RORB: variants seen among roughly 807,000 people sequenced by gnomAD.
RORB encodes RAR related orphan receptor B.
RORB carries 6 observed loss-of-function variants against 59.1 expected under a neutral mutation model. The observed-to-expected ratio is 0.10, with a 90% CI of 0.06 to 0.20. RORB has a LOEUF of 0.20. RORB is among the 10% of genes least tolerant of loss of function. RORB has a pLI of 1.00. For synonymous variants in RORB, 215 were observed against 204.5 expected (o/e 1.05, Z -0.44); for missense variants, 320 against 560.5 (o/e 0.57, Z 4.33).
intron 1 of RORB, among the ~76,000 whole-genome samples, chr9:74,525,476 G>A (rs995567892): frequency 6.6e-5 from 10 of 151,852 alleles, no homozygotes; most frequent in African/African-American, 2.2e-4. Context: ...GGAAGCTAGA[G>A]GTTTATCTTT....
intron 4 of RORB, among the ~76,000 whole-genome samples, chr9:74,657,510 T>C (rs1210327602): frequency 6.6e-6 from 1 of 152,156 alleles, no homozygotes; most frequent in East Asian, 1.9e-4. Context: ...CATAACATCA[T>C]TCCCTCTACC....
At chr9:74,498,413 C>T (rs1009748630) in intron 1 of RORB, 1 of 176,646 alleles carries the variant, frequency 5.7e-6, no homozygotes, top group Admixed American at 5.9e-5. Context: ...CGGCCGGGGG[C>T]AGGGTGGACA....
At chr9:74,550,285 T>C (rs2118161747) in intron 1 of RORB, among the ~76,000 whole-genome samples, 1 of 152,318 alleles carries the variant, frequency 6.6e-6, no homozygotes, top group East Asian at 1.9e-4. Flanking sequence ...CCAATCTAGA[T>C]GACATTAGAG....
intron 6 of RORB, among the ~76,000 whole-genome samples, chr9:74,664,318 C>T (rs1264317298): frequency 6.6e-6 from 1 of 152,194 alleles, no homozygotes; most frequent in Non-Finnish European, 1.5e-5. Context: ...CTAACTAAGA[C>T]TCAGATATAA....
intron 1 of RORB, among the ~76,000 whole-genome samples, chr9:74,527,215 T>C (rs1826167593): frequency 1.3e-5 from 2 of 151,978 alleles, no homozygotes; most frequent in Admixed American, 1.3e-4. Flanking sequence ...TCAAGCATTT[T>C]TTAGATAGGA....
intron 1 of RORB, among the ~76,000 whole-genome samples, chr9:74,576,871 A>T (rs1822643887): frequency 6.6e-6 from 1 of 152,178 alleles, no homozygotes; most frequent in Admixed American, 6.5e-5. Context: ...GTCAATACTC[A>T]TAATGAACCC....
chr9:74,534,213 G>A lies in RORB; in HGVS notation c.7+36230G>A, dbSNP rs141073236. ...TAGCACTCCCTTAAGGAGCTAAGAG[G>A]GTTCTGAGAAAGAAGTTTCTCTCAG... On this transcript the variant is annotated intron_variant, in intron 1 of 9. Coordinates refer to ENST00000376896, the MANE Select transcript of RORB (RefSeq NM_006914.4). Among the ~76,000 whole-genome samples, 419 of 152,076 alleles carry A rather than the reference G, an allele frequency of 2.8e-3. 3 individuals carry two copies. The highest frequency in any genetic ancestry group is 5.4e-3 in the East Asian group (28 of 5,150).
chr9:74,631,636 G>T (rs931119650), intron 2 of RORB, among the ~76,000 whole-genome samples: 5 of 152,146 alleles, frequency 3.3e-5, no homozygotes, highest in African/African-American at 1.2e-4. Context: ...AAATAAGTAA[G>T]AATAAAGTGG....
chr9:74,624,331 T>C (rs908358877), intron 1 of RORB, among the ~76,000 whole-genome samples: 13 of 152,146 alleles, frequency 8.5e-5, no homozygotes, highest in African/African-American at 3.1e-4. Context: ...TAGTAGAAAT[T>C]AGAGTGCACT....
Position 74,634,690 on chromosome 9 carries a change from C to G in RORB, c.153C>G (p.Asn51Lys). The G allele has an allele frequency of 6.2e-7, 1 of 1,613,636 alleles. No homozygotes were observed. The highest frequency in any genetic ancestry group is 8.5e-7 in the Non-Finnish European group (1 of 1,179,698). Reference sequence around the variant, plus strand: ...CTTATTCCTGCCCAAGGCAGAGAAACTGTTTAATTGACAGAACGAACAGAA... The same window carrying G: ...CTTATTCCTGCCCAAGGCAGAGAAAGTGTTTAATTGACAGAACGAACAGAA... The part of the protein sequence containing the change: ...NASYSCPRQR[N>K]CLIDRTNRNR... The change falls in exon 3 of 10, where the codon AAC becomes AAG. Residue 51 changes from asparagine to lysine, a missense_variant. Coordinates refer to ENST00000376896, the MANE Select transcript of RORB (RefSeq NM_006914.4).
At chr9:74,507,507 G>C (rs991442984) in intron 1 of RORB, among the ~76,000 whole-genome samples, 1 of 152,034 alleles carries the variant, frequency 6.6e-6, no homozygotes, top group African/African-American at 2.4e-5. Flanking sequence ...GGATCACATA[G>C]TGCTTCGTAT....
intron 1 of RORB, among the ~76,000 whole-genome samples, chr9:74,613,651 C>A (rs1823266717): frequency 6.6e-6 from 1 of 152,216 alleles, no homozygotes; most frequent in Admixed American, 6.5e-5. Context: ...TGGGCATCCA[C>A]AGCTGAGAAC....
intron 1 of RORB, among the ~76,000 whole-genome samples, chr9:74,602,370 A>C (rs1823079410): frequency 6.6e-6 from 1 of 152,224 alleles, no homozygotes; most frequent in Non-Finnish European, 1.5e-5. Flanking sequence ...TTAAAGAATA[A>C]ATGTTAAAGA....
chr9:74,553,660 A>C (rs1218663993), intron 1 of RORB, among the ~76,000 whole-genome samples: 2 of 152,210 alleles, frequency 1.3e-5, no homozygotes, highest in Non-Finnish European at 2.9e-5. Flanking sequence ...CTATCTTTGC[A>C]GGCCAATTTG....
At chr9:74,654,996 C>T (rs1235816516) in intron 4 of RORB, among the ~76,000 whole-genome samples, 6 of 152,168 alleles carry the variant, frequency 3.9e-5, no homozygotes, top group African/African-American at 1.4e-4. Context: ...CCCAATTTTT[C>T]CTTGCCTGCA....
At chr9:74,638,365 T>A (rs1013078) in intron 3 of RORB, among the ~76,000 whole-genome samples, 83,686 of 152,106 alleles carry the variant, frequency 0.55, 23,965 homozygotes, top group East Asian at 0.69. Context: ...ACTTTCACAT[T>A]AAATTGTTCT....
intron 1 of RORB, among the ~76,000 whole-genome samples, chr9:74,595,623 C>T (rs1279046140): frequency 6.6e-6 from 1 of 152,204 alleles, no homozygotes; most frequent in East Asian, 1.9e-4. Flanking sequence ...GTATCCCTTT[C>T]CTTTTGTCAA....
intron 5 of RORB, among the ~76,000 whole-genome samples, chr9:74,661,794 C>T (rs987508736): frequency 2.0e-5 from 3 of 151,486 alleles, no homozygotes; most frequent in South Asian, 4.2e-4. Context: ...ACAGGCGCCC[C>T]CCCACCACGC....
At chr9:74,607,780 GTAGTCATCT>G (rs1416918958) in intron 1 of RORB, among the ~76,000 whole-genome samples, 1 of 152,146 alleles carries the variant, frequency 6.6e-6, no homozygotes, top group Non-Finnish European at 1.5e-5. Flanking sequence ...GGTATCATTG[GTAGTCATCT>G]TGGGCATACC....
Sources: gnomAD v4.1 joint callset for allele counts (sites outside exome capture counted in the v4.1 genomes callset) on GRCh38, gnomAD v4.1.1 for gene constraint, MANE v1.5 for transcripts, NCBI Gene and HGNC (gene_info 2026-07-23, HGNC 2026-07-21) for gene names.